COX10: variants seen among roughly 807,000 people sequenced by gnomAD.
The protein encoded by COX10 is cytochrome c oxidase assembly factor heme A:farnesyltransferase COX10, also known as protoheme IX farnesyltransferase, mitochondrial.
Under a neutral mutation model 37.3 loss-of-function variants are expected in COX10, and 27 were observed. The observed-to-expected ratio is 0.72, with a 90% confidence interval of 0.53 to 1.00. COX10 has a LOEUF of 1.00. COX10 is among the 50% of genes least tolerant of loss of function. The probability of loss-of-function intolerance (pLI) is 0.00; values close to 1 mark genes in which losing one functional copy is unlikely to be tolerated. For missense variants in COX10, 475 were observed against 563.2 expected (o/e 0.84, Z 1.59); for synonymous variants, 222 against 229.1 (o/e 0.97, Z 0.28).
chr17:14,192,010 T>A lies in COX10; in HGVS notation c.717T>A (p.Phe239Leu). The change falls in exon 6 of 7, where the codon TTT becomes TTA. Residue 239 changes from phenylalanine to leucine, a missense_variant. By Grantham distance (22) the Phe-to-Leu change is conservative. Transcript: ENST00000261643. ...CCAGCCCATTGCTAGCTGTGTCCTTTGCCACTTGTTGTGCTGTTCCGGGAG... is the reference window on the plus strand; with the variant it reads ...CCAGCCCATTGCTAGCTGTGTCCTTAGCCACTTGTTGTGCTGTTCCGGGAG... The part of the protein sequence containing the change: ...GQISPLLAVS[F>L]ATCCAVPGVA... 2.5e-6 allele frequency: 4 copies of A among 1,614,202 alleles called. No individual in the cohort carries two copies. The highest frequency in any genetic ancestry group is 3.4e-6 in the Non-Finnish European group (4 of 1,180,042).
intron 1 of COX10, among the ~76,000 whole-genome samples, chr17:14,069,891 G>A (rs780275721): frequency 1.3e-5 from 2 of 152,212 alleles, no homozygotes; most frequent in Non-Finnish European, 2.9e-5. Flanking sequence ...CTGCGGAAGA[G>A]CGGTGTCTTC....
At chr17:14,172,510 T>C (rs1272983503) in intron 5 of COX10, among the ~76,000 whole-genome samples, 1 of 152,076 alleles carries the variant, frequency 6.6e-6, no homozygotes, top group Non-Finnish European at 1.5e-5. Flanking sequence ...ATTCCTCTGA[T>C]GATTAGTGAT....
chr17:14,190,665 C>A (rs1360454956), intron 5 of COX10, among the ~76,000 whole-genome samples: 1 of 152,084 alleles, frequency 6.6e-6, no homozygotes, highest in African/African-American at 2.4e-5. Context: ...TCCATCAAGT[C>A]ACTTCTAGCT....
intron 5 of COX10, among the ~76,000 whole-genome samples, chr17:14,186,443 A>G (rs1004394398): frequency 3.3e-5 from 5 of 151,638 alleles, no homozygotes; most frequent in Admixed American, 1.3e-4. Flanking sequence ...CCACCCATCC[A>G]TCGGGTCTCA....
chr17:14,102,330 C>CGT (rs3217030), intron 4 of COX10, 88 bp downstream of exon 4: 11 of 1,538,146 alleles, frequency 7.2e-6, no homozygotes, highest in African/African-American at 1.4e-5. Context: ...CTTCCAAACT[C>CGT]ATATATTGAT....
intron 3 of COX10, among the ~76,000 whole-genome samples, chr17:14,078,273 T>C (rs548319827): frequency 7.2e-5 from 11 of 152,178 alleles, no homozygotes; most frequent in Non-Finnish European, 1.5e-4. Flanking sequence ...TGACTATAGA[T>C]AAGTTATGCT....
chr17:14,107,118 C>T (rs1181349524), intron 4 of COX10, among the ~76,000 whole-genome samples: 4 of 152,108 alleles, frequency 2.6e-5, no homozygotes, highest in Non-Finnish European at 5.9e-5. Flanking sequence ...ACTCCCCCAC[C>T]CCCACTTGTG....
intron 4 of COX10, among the ~76,000 whole-genome samples, chr17:14,144,493 C>T (rs1214183065): frequency 6.6e-6 from 1 of 152,080 alleles, no homozygotes; most frequent in African/African-American, 2.4e-5. Context: ...GAAAAATTTT[C>T]TGATCTTTTA....
chr17:14,206,687 A>G (rs1906710340), intron 6 of COX10, 123 bp from the exon 7 acceptor site: 1 of 1,257,576 alleles, frequency 8.0e-7, no homozygotes, highest in Admixed American at 1.7e-5. Flanking sequence ...GGCAGCGATG[A>G]GAGCACAGGG....
At chr17:14,082,659 A>G (rs1208436389) in intron 3 of COX10, among the ~76,000 whole-genome samples, 1 of 152,168 alleles carries the variant, frequency 6.6e-6, no homozygotes, top group Admixed American at 6.5e-5. Flanking sequence ...TATCTAAAAC[A>G]TAGTATCTGA....
chr17:14,107,934 G>T (rs2142204238), intron 4 of COX10, among the ~76,000 whole-genome samples: 1 of 152,180 alleles, frequency 6.6e-6, no homozygotes. Flanking sequence ...CAATCTGTTG[G>T]TCATAGTTCT....
intron 6 of COX10, among the ~76,000 whole-genome samples, chr17:14,197,563 A>G (rs377615849): frequency 2.0e-5 from 3 of 152,242 alleles, no homozygotes; most frequent in East Asian, 3.8e-4. Context: ...GGAATCCAGC[A>G]TGGGGTAAGT....
chr17:14,124,677 G>A (rs1249134383), intron 4 of COX10, among the ~76,000 whole-genome samples: 1 of 152,122 alleles, frequency 6.6e-6, no homozygotes, highest in Non-Finnish European at 1.5e-5. Context: ...TGCCCTCGAT[G>A]GTCCGGTGCA....
intron 4 of COX10, among the ~76,000 whole-genome samples, chr17:14,123,064 C>G (rs1916262589): frequency 6.6e-6 from 1 of 152,156 alleles, no homozygotes; most frequent in Non-Finnish European, 1.5e-5. Flanking sequence ...ATTTTTAGAG[C>G]ACTTTACAGT....
chr17:14,107,178 A>G (rs369009212), intron 4 of COX10, among the ~76,000 whole-genome samples: 9 of 151,806 alleles, frequency 5.9e-5, no homozygotes, highest in African/African-American at 2.2e-4. Context: ...TGGGGCCCCA[A>G]ATCACTCCCA....
At chr17:14,071,793 G>T (rs1349488743) in intron 1 of COX10, among the ~76,000 whole-genome samples, 1 of 151,166 alleles carries the variant, frequency 6.6e-6, no homozygotes, top group African/African-American at 2.4e-5. Context: ...CCAGTTACTT[G>T]GGAGGCTGAG....
At chr17:14,182,077 A>G in intron 5 of COX10, 1 of 982,420 alleles carries the variant, frequency 1.0e-6, no homozygotes, top group South Asian at 4.7e-5. Context: ...AGCTTTCAGA[A>G]CTCATTCAGC....
intron 4 of COX10, among the ~76,000 whole-genome samples, chr17:14,123,698 G>A (rs74811926): frequency 0.012 from 1,765 of 152,150 alleles, 27 homozygotes; most frequent in African/African-American, 0.041. Flanking sequence ...CTGTGAAATC[G>A]ATTAATAAAT....
At chr17:14,071,456 A>G (rs898593484) in intron 1 of COX10, among the ~76,000 whole-genome samples, 1 of 152,192 alleles carries the variant, frequency 6.6e-6, no homozygotes, top group African/African-American at 2.4e-5. Flanking sequence ...AAGATCTACT[A>G]AGAGAGCTTG....
Sources: allele counts gnomAD v4.1 joint callset (sites outside exome capture counted in the v4.1 genomes callset), GRCh38; gene constraint gnomAD v4.1.1; transcripts MANE v1.5; gene names NCBI Gene and HGNC (gene_info 2026-07-23, HGNC 2026-07-21).